UBE2E2: variants seen among roughly 807,000 people sequenced by gnomAD.
The protein encoded by UBE2E2 is ubiquitin conjugating enzyme E2 E2.
In UBE2E2, 6 loss-of-function variants were observed where a neutral mutation model predicts 24.7. That is an observed-to-expected ratio of 0.24 (90% CI 0.13 to 0.48). The LOEUF (loss-of-function observed/expected upper bound fraction) is 0.48, where lower values mean the gene tolerates loss of function less well. UBE2E2 is among the 20% of genes least tolerant of loss of function. The pLI is 0.99. For missense variants in UBE2E2, 169 were observed against 245.0 expected, an observed-to-expected ratio of 0.69 and a Z score of 2.07; for synonymous variants, 104 against 83.6, an observed-to-expected ratio of 1.24 and a Z score of -1.33.
intron 3 of UBE2E2, among the ~76,000 whole-genome samples, chr3:23,352,517 A>G (rs1436704441): frequency 6.6e-6 from 1 of 152,202 alleles, no homozygotes; most frequent in African/African-American, 2.4e-5. Context: ...AGAGAGAAGA[A>G]GCAAATAGAT....
At chr3:23,257,455 A>T (rs1217275121) in intron 3 of UBE2E2, among the ~76,000 whole-genome samples, 1 of 127,144 alleles carries the variant, frequency 7.9e-6, no homozygotes, top group Non-Finnish European at 1.6e-5. Context: ...ATGAAGCTCC[A>T]TTGCTTTATC....
intron 3 of UBE2E2, among the ~76,000 whole-genome samples, chr3:23,230,720 A>C (rs1696951671): frequency 6.7e-6 from 1 of 150,250 alleles, no homozygotes; most frequent in South Asian, 2.2e-4. Flanking sequence ...TGGGAGGCAG[A>C]GGTTGCAGTG....
chr3:23,480,491 C>T (rs1699234066), intron 3 of UBE2E2, among the ~76,000 whole-genome samples: 1 of 152,120 alleles, frequency 6.6e-6, no homozygotes, highest in Admixed American at 6.5e-5. Flanking sequence ...GAGGGTGGGG[C>T]TCCCGCCTGA....
chr3:23,453,109 T>C (rs1698601942), intron 3 of UBE2E2, among the ~76,000 whole-genome samples: 3 of 152,186 alleles, frequency 2.0e-5, no homozygotes, highest in Admixed American at 6.5e-5. Flanking sequence ...TAATAAGTAT[T>C]CTTAAGGCTT....
intron 4 of UBE2E2, among the ~76,000 whole-genome samples, chr3:23,525,427 G>GA (rs1694972526): frequency 1.3e-5 from 2 of 152,216 alleles, no homozygotes; most frequent in East Asian, 3.9e-4. Context: ...GGCCATCTGG[G>GA]AATTAGCCAT....
chr3:23,221,802 A>G (rs1310821673), intron 3 of UBE2E2, among the ~76,000 whole-genome samples: 2 of 152,032 alleles, frequency 1.3e-5, no homozygotes, highest in Non-Finnish European at 2.9e-5. Flanking sequence ...ATGCCTGGCT[A>G]ATTTTTGTAT....
intron 2 of UBE2E2, among the ~76,000 whole-genome samples, chr3:23,210,248 G>A (rs988524601): frequency 2.0e-5 from 3 of 152,194 alleles, no homozygotes; most frequent in African/African-American, 7.2e-5. Context: ...TCAGTCCTCA[G>A]TGTCTGATTG....
chr3:23,455,448 T>C (rs1698657190), intron 3 of UBE2E2, among the ~76,000 whole-genome samples: 1 of 152,222 alleles, frequency 6.6e-6, no homozygotes, highest in Non-Finnish European at 1.5e-5. Context: ...CTAAGCACAG[T>C]GGCTCATTCC....
rs566130372 is a variant in UBE2E2 at position 23,416,387 on chromosome 3, C to T, written c.228-83221C>T. 5.3e-5 allele frequency among the ~76,000 whole-genome samples: 8 copies of T among 152,306 alleles called. No individual in the cohort carries two copies. In the South Asian group the frequency reaches 1.0e-3, roughly 20 times the overall value. On this transcript the variant is annotated intron_variant, in intron 3 of 5. Transcript: ENST00000396703. Reference sequence around the variant, plus strand: ...AATGTTGGATACTGGCGCTCACGCTCCTCTGGCTTGTAGGGTTTCTGCCAA... The same window carrying T: ...AATGTTGGATACTGGCGCTCACGCTTCTCTGGCTTGTAGGGTTTCTGCCAA...
At chr3:23,361,322 A>G (rs960268171) in intron 3 of UBE2E2, among the ~76,000 whole-genome samples, 4 of 152,236 alleles carry the variant, frequency 2.6e-5, no homozygotes, top group African/African-American at 9.6e-5. Flanking sequence ...CAGTTCCATT[A>G]CTGGGTATCT....
chr3:23,219,755 TG>T (rs2125323875), intron 3 of UBE2E2, among the ~76,000 whole-genome samples: 1 of 152,284 alleles, frequency 6.6e-6, no homozygotes, highest in South Asian at 2.1e-4. Context: ...TTTGGTTCCC[TG>T]GGTAGTTGTT....
chr3:23,223,145 G>A (rs1399659061), intron 3 of UBE2E2, among the ~76,000 whole-genome samples: 1 of 147,430 alleles, frequency 6.8e-6, no homozygotes, highest in Non-Finnish European at 1.5e-5. Flanking sequence ...TCAGCCTCCT[G>A]AGTAGCTGAG....
chr3:23,325,727 A>G (rs1445030837), intron 3 of UBE2E2, among the ~76,000 whole-genome samples: 4 of 152,236 alleles, frequency 2.6e-5, no homozygotes, highest in Non-Finnish European at 5.9e-5. Context: ...TGCTACTGTG[A>G]GAAATATAAT....
chr3:23,370,735 C>A (rs1411829541), intron 3 of UBE2E2, among the ~76,000 whole-genome samples: 2 of 152,074 alleles, frequency 1.3e-5, no homozygotes, highest in African/African-American at 4.8e-5. Context: ...AGCTAGATCT[C>A]CTGGATTCAT....
chr3:23,380,086 TAAA>T lies in UBE2E2; in HGVS notation c.228-119506_228-119504del, dbSNP rs10559253. Among the ~76,000 whole-genome samples, 472 of 136,310 alleles carry T rather than the reference TAAA, an allele frequency of 3.5e-3. 5 individuals are homozygous for T. The highest frequency in any genetic ancestry group is 0.012 in the African/African-American group (432 of 36,992). 89.4% of individuals were successfully genotyped at this position (136,310 alleles called of 152,430 possible). A position where few individuals can be genotyped will look rare whatever the true frequency, so the allele number is the denominator to read the frequency against. On this transcript the variant is annotated intron_variant, in intron 3 of 5. Coordinates refer to ENST00000396703, the MANE Select transcript of UBE2E2 (RefSeq NM_152653.4). ...AAATGCTAAGAACATTTGATTACTGTAAAAAAAAAAAAAAAAAACCCTGAAATT... is the reference window on the plus strand; with the variant it reads ...AAATGCTAAGAACATTTGATTACTGTAAAAAAAAAAAAAAACCCTGAAATT...
chr3:23,266,811 T>A (rs1698061848), intron 3 of UBE2E2, among the ~76,000 whole-genome samples: 1 of 151,934 alleles, frequency 6.6e-6, no homozygotes, highest in Non-Finnish European at 1.5e-5. Flanking sequence ...GAAGTAAAGT[T>A]CTCCTCAGCA....
At chr3:23,352,539 T>C (rs577958413) in intron 3 of UBE2E2, among the ~76,000 whole-genome samples, 2 of 152,204 alleles carry the variant, frequency 1.3e-5, no homozygotes, top group South Asian at 2.1e-4. Context: ...CAATAAAAAA[T>C]GATAAAGGGG....
chr3:23,354,720 C>T (rs996017961), intron 3 of UBE2E2, among the ~76,000 whole-genome samples: 5 of 152,140 alleles, frequency 3.3e-5, no homozygotes, highest in Admixed American at 6.6e-5. Context: ...ACTAAAAAGT[C>T]AGGAAGCAAC....
chr3:23,468,079 G>A (rs1698960946), intron 3 of UBE2E2, among the ~76,000 whole-genome samples: 1 of 152,172 alleles, frequency 6.6e-6, no homozygotes, highest in African/African-American at 2.4e-5. Flanking sequence ...AACCATATCA[G>A]TAGCCTTCTT....
Sources: gnomAD v4.1 joint callset for allele counts (sites outside exome capture counted in the v4.1 genomes callset) on GRCh38, gnomAD v4.1.1 for gene constraint, MANE v1.5 for transcripts, NCBI Gene and HGNC (gene_info 2026-07-23, HGNC 2026-07-21) for gene names.